Variants in MARK3 observed in about 807,000 individuals in gnomAD.
The protein encoded by MARK3 is MAP/microtubule affinity-regulating kinase 3.
In MARK3, 46 loss-of-function variants were observed where a neutral mutation model predicts 90.1. That is an observed-to-expected ratio of 0.51 (90% CI 0.40 to 0.65). The LOEUF is 0.65. Ranked by LOEUF, MARK3 falls within the 30% of genes least tolerant of loss-of-function variation. The pLI is 0.00. For missense variants in MARK3, 818 were observed against 947.2 expected (o/e 0.86, Z 1.79); for synonymous variants, 321 against 332.6 (o/e 0.97, Z 0.38).
At chr14:103,452,093 GC>G in intron 5 of MARK3, 110 bp downstream of exon 5, 1 of 669,236 alleles carries the variant, frequency 1.5e-6, no homozygotes, top group Non-Finnish European at 2.5e-6. Flanking sequence ...AACGTCCAGA[GC>G]CATAATACGC....
intron 14 of MARK3, among the ~76,000 whole-genome samples, chr14:103,480,837 G>A (rs1016314494): frequency 3.3e-5 from 5 of 152,144 alleles, no homozygotes; most frequent in South Asian, 2.1e-4. Flanking sequence ...AACAAAAGCC[G>A]AAAGTGGGGG....
chr14:103,429,633 G>C (rs904117330), intron 3 of MARK3, among the ~76,000 whole-genome samples: 10 of 152,124 alleles, frequency 6.6e-5, no homozygotes, highest in African/African-American at 2.2e-4. Flanking sequence ...GGGCCTTAAG[G>C]CTTCTCAAGG....
At chr14:103,386,464 G>A (rs533623268) in intron 1 of MARK3, 1 of 520,382 alleles carries the variant, frequency 1.9e-6, no homozygotes, top group East Asian at 5.0e-5. Context: ...GGCAGTTCTT[G>A]AGAGACTGTC....
intron 15 of MARK3, among the ~76,000 whole-genome samples, chr14:103,494,544 C>CAAAAAAAAA (rs35133138): frequency 1.2e-5 from 1 of 84,622 alleles, no homozygotes; most frequent in Non-Finnish European, 2.2e-5. Flanking sequence ...AACTCTGTCT[C>CAAAAAAAAA]AAAAAAAAAA....
rs1367483836 is a variant in MARK3 at position 103,418,118 on chromosome 14, C to G, written c.244-10269C>G. 3.3e-5 allele frequency among the ~76,000 whole-genome samples: 5 copies of G among 150,632 alleles called. No homozygotes were observed. The Admixed American group carries it at 3.3e-4, about 10-fold the overall frequency. On this transcript the variant is annotated intron_variant, in intron 2 of 17. Coordinates refer to ENST00000429436, the MANE Select transcript of MARK3 (RefSeq NM_001128918.3). ...TCTCCTCTTCTCTCCCCAGCTCACT[C>G]TTTGATCATTTTCATCTGTTTGTTG...
chr14:103,387,790 A>G (rs1410141160), intron 1 of MARK3, among the ~76,000 whole-genome samples: 5 of 151,882 alleles, frequency 3.3e-5, no homozygotes, highest in Admixed American at 6.6e-5. Flanking sequence ...AGTGTGCCCA[A>G]CTGATTAGTT....
intron 1 of MARK3, among the ~76,000 whole-genome samples, chr14:103,392,285 T>C (rs904022572): frequency 6.6e-6 from 1 of 152,206 alleles, no homozygotes; most frequent in African/African-American, 2.4e-5. Context: ...TCCTGCTCTT[T>C]AGGATTTCCT....
chr14:103,491,755 T>C, intron 14 of MARK3, 22 bp from the exon 15 acceptor site: 1 of 1,610,352 alleles, frequency 6.2e-7, no homozygotes, highest in Non-Finnish European at 8.5e-7. Context: ...TTCTGAGAGC[T>C]TCTTACTTTC....
chr14:103,449,544 T>C (rs895691152), intron 4 of MARK3, among the ~76,000 whole-genome samples: 18 of 152,336 alleles, frequency 1.2e-4, no homozygotes, highest in African/African-American at 4.3e-4. Flanking sequence ...ACTTGCTATC[T>C]AATGGAATTG....
intron 1 of MARK3, among the ~76,000 whole-genome samples, chr14:103,387,457 T>C (rs964906944): frequency 2.0e-5 from 3 of 151,492 alleles, no homozygotes; most frequent in Non-Finnish European, 4.4e-5. Flanking sequence ...TATAGTCCTT[T>C]TAAAGAAACC....
At chr14:103,456,054 T>C (rs2093271621) in intron 5 of MARK3, among the ~76,000 whole-genome samples, 1 of 152,216 alleles carries the variant, frequency 6.6e-6, no homozygotes, top group Admixed American at 6.5e-5. Flanking sequence ...GTGCTAATAA[T>C]ATATTCCTTG....
intron 3 of MARK3, among the ~76,000 whole-genome samples, chr14:103,436,817 C>T (rs963959097): frequency 1.7e-4 from 26 of 152,246 alleles, no homozygotes; most frequent in Admixed American, 1.4e-3. Context: ...AGACTGGGCA[C>T]GGTGGCTCAC....
chr14:103,438,052 G>A (rs1417525011), intron 3 of MARK3, among the ~76,000 whole-genome samples: 1 of 152,176 alleles, frequency 6.6e-6, no homozygotes, highest in Non-Finnish European at 1.5e-5. Context: ...CCAGGCTGGA[G>A]TGCAATGGCG....
At chr14:103,413,734 A>C (rs1299975148) in intron 2 of MARK3, among the ~76,000 whole-genome samples, 1 of 152,116 alleles carries the variant, frequency 6.6e-6, no homozygotes, top group East Asian at 1.9e-4. Context: ...CTGAGATTAC[A>C]GGCGTGAGCC....
intron 4 of MARK3, 108 bp downstream of exon 4, chr14:103,449,075 A>G (rs930099193): frequency 8.3e-7 from 1 of 1,203,204 alleles, no homozygotes; most frequent in African/African-American, 1.5e-5. Flanking sequence ...CTAGTAAAAT[A>G]TATATACAAG....
intron 13 of MARK3, 56 bp from the exon 14 acceptor site, chr14:103,480,331 T>C: frequency 9.7e-7 from 1 of 1,035,928 alleles, no homozygotes; most frequent in Admixed American, 2.2e-5. Context: ...GTTCATTTTT[T>C]CTCATTGTAC....
At chr14:103,398,716 T>G (rs1011706663) in intron 1 of MARK3, among the ~76,000 whole-genome samples, 2 of 152,210 alleles carry the variant, frequency 1.3e-5, no homozygotes, top group African/African-American at 4.8e-5. Flanking sequence ...TCAAATCCTT[T>G]TTCTATGTTG....
chr14:103,407,177 T>C (rs2091352195), intron 2 of MARK3, among the ~76,000 whole-genome samples: 2 of 152,226 alleles, frequency 1.3e-5, no homozygotes. Flanking sequence ...GTTGGAAATA[T>C]CATAGAGTGT....
At chr14:103,485,063 C>CAAAAAAAAAAA (rs34312214) in intron 14 of MARK3, among the ~76,000 whole-genome samples, 4 of 97,746 alleles carry the variant, frequency 4.1e-5, no homozygotes, top group East Asian at 2.7e-4. Flanking sequence ...ACTAAAAATA[C>CAAAAAAAAAAA]AAAAAAAAAA....
Sources: allele counts gnomAD v4.1 joint callset (sites outside exome capture counted in the v4.1 genomes callset), GRCh38; gene constraint gnomAD v4.1.1; transcripts MANE v1.5; gene names NCBI Gene and HGNC (gene_info 2026-07-23, HGNC 2026-07-21).